Variants in CEP63 observed in about 807,000 individuals in gnomAD.
The protein encoded by CEP63 is centrosomal protein of 63 kDa.
Under a neutral mutation model 89.1 loss-of-function variants are expected in CEP63, and 84 were observed. That is an observed-to-expected ratio of 0.94 (90% confidence interval 0.79 to 1.13). The LOEUF is 1.13. Ranked by LOEUF, CEP63 falls within the 50% of genes most tolerant of loss-of-function variation. CEP63 has a pLI of 0.00. For missense variants in CEP63, 838 were observed against 813.3 expected, an observed-to-expected ratio of 1.03 and a Z score of -0.37; for synonymous variants, 267 against 272.5, an observed-to-expected ratio of 0.98 and a Z score of 0.20.
At chr3:134,664,670 T>TG in the CEP63 span, among the ~76,000 whole-genome samples, 87,705 of 130,942 alleles carry the variant, frequency 0.67, 26,575 homozygotes, top group East Asian at 0.79. Context: ...TTAAGCAGTT[T>TG]TGTGTGTGTG....
In CEP63 at chr3:134,564,524, CTCAG is replaced by C; in HGVS notation, c.*2994_*2997del. The C allele has an allele frequency of 2.0e-6, 2 of 985,448 alleles. No homozygotes were observed. Among genetic ancestry groups the C allele is most frequent in the Non-Finnish European group, 2.4e-6 (2 of 829,952 alleles). 61.0% of individuals were successfully genotyped at this position (985,448 alleles called of 1,614,324 possible). A position where few individuals can be genotyped will look rare whatever the true frequency, so the allele number is the denominator to read the frequency against. ...TCAGGGGCTAAGTCCTGCCTACATC[CTCAG>C]TCAGCATGCTGCCTAACACATAACA... On this transcript the variant is annotated 3_prime_UTR_variant, in exon 15 of 15. Coordinates refer to ENST00000675561, the MANE Select transcript of CEP63 (RefSeq NM_001353108.3).
chr3:134,606,174 G>A, the CEP63 span, among the ~76,000 whole-genome samples: 3 of 152,234 alleles, frequency 2.0e-5, no homozygotes, highest in East Asian at 1.9e-4. Flanking sequence ...ACAACTGGCT[G>A]TGAGTCTTTT....
intron 4 of CEP63, 24 bp downstream of exon 4, chr3:134,531,964 G>A: frequency 1.3e-6 from 2 of 1,517,156 alleles, no homozygotes; most frequent in Non-Finnish European, 1.8e-6. Flanking sequence ...TTTGTTAAAT[G>A]TTGTGTGTGT....
rs1957635207 is a variant in CEP63 at position 134,564,548 on chromosome 3, A to G, written c.*3013A>G. 4 of 985,432 alleles carry G rather than the reference A, an allele frequency of 4.1e-6. No homozygotes were observed. The highest frequency in any genetic ancestry group is 4.8e-6 in the Non-Finnish European group (4 of 829,908). 61.0% of individuals were successfully genotyped at this position (985,432 alleles called of 1,614,324 possible). On this transcript the variant is annotated 3_prime_UTR_variant, in exon 15 of 15. Coordinates refer to ENST00000675561, the MANE Select transcript of CEP63 (RefSeq NM_001353108.3). ...CCTCAGTCAGCATGCTGCCTAACAC[A>G]TAACAGATCCTAAGCAAATATTGGG...
intron 11 of CEP63, among the ~76,000 whole-genome samples, chr3:134,573,070 G>A (rs562935891): frequency 1.3e-5 from 2 of 152,256 alleles, no homozygotes; most frequent in Non-Finnish European, 2.9e-5. Context: ...TTTGAGAAGT[G>A]TCTGTTCATC....
At chr3:134,545,066 T>C (rs1019108608) in intron 6 of CEP63, among the ~76,000 whole-genome samples, 2 of 152,152 alleles carry the variant, frequency 1.3e-5, no homozygotes, top group African/African-American at 4.8e-5. Flanking sequence ...CAATCTCGGC[T>C]CACTGCAACC....
chr3:134,705,845 T>G, the CEP63 span, among the ~76,000 whole-genome samples: 6 of 152,232 alleles, frequency 3.9e-5, no homozygotes, highest in Non-Finnish European at 4.4e-5. Flanking sequence ...TTTCTTCTTT[T>G]CTTCAATTAT....
the CEP63 span, among the ~76,000 whole-genome samples, chr3:134,685,826 C>G: frequency 6.6e-6 from 1 of 152,310 alleles, no homozygotes; most frequent in Non-Finnish European, 1.5e-5. Context: ...AACAGGAGCT[C>G]GTCAGATCCA....
At chr3:134,775,844 C>T in the CEP63 span, among the ~76,000 whole-genome samples, 13 of 152,118 alleles carry the variant, frequency 8.5e-5, no homozygotes, top group African/African-American at 3.1e-4. Flanking sequence ...TGGAATGGTG[C>T]CTCTTCTTTT....
chr3:134,549,462 A>G (rs1477556087), intron 10 of CEP63, among the ~76,000 whole-genome samples: 1 of 152,178 alleles, frequency 6.6e-6, no homozygotes, highest in African/African-American at 2.4e-5. Context: ...TCTAAAAGAC[A>G]TACACTCTGT....
chr3:134,574,055 G>A (rs193040550), intron 11 of CEP63, among the ~76,000 whole-genome samples: 24 of 152,288 alleles, frequency 1.6e-4, no homozygotes, highest in South Asian at 4.1e-4. Flanking sequence ...ATGCAGCCTC[G>A]TGGGCTGGCT....
chr3:134,714,998 GC>G, the CEP63 span, among the ~76,000 whole-genome samples: 1 of 152,330 alleles, frequency 6.6e-6, no homozygotes, highest in South Asian at 2.1e-4. Flanking sequence ...AGGGAGGCAG[GC>G]CATCCAGGGA....
the CEP63 span, among the ~76,000 whole-genome samples, chr3:134,663,481 A>G: frequency 6.6e-6 from 1 of 152,064 alleles, no homozygotes. Flanking sequence ...TGTCAGTGTT[A>G]ATTAGATATT....
chr3:134,656,454 C>T, the CEP63 span, among the ~76,000 whole-genome samples: 79 of 152,244 alleles, frequency 5.2e-4, 1 homozygote, highest in African/African-American at 1.8e-3. Context: ...ATCTGAGTGG[C>T]GATGCTGATC....
downstream of CEP63, among the ~76,000 whole-genome samples, chr3:134,577,807 G>A (rs932713467): frequency 1.3e-5 from 2 of 151,940 alleles, no homozygotes; most frequent in Non-Finnish European, 2.9e-5. Flanking sequence ...AGTGTGTGTT[G>A]TTCCCCTCCC....
the CEP63 span, among the ~76,000 whole-genome samples, chr3:134,741,929 A>C: frequency 3.3e-5 from 5 of 151,684 alleles, no homozygotes; most frequent in Non-Finnish European, 7.4e-5. Flanking sequence ...CTAGCCAGAA[A>C]CTCCAAAGGG....
At chr3:134,570,661 G>T (rs1339332652) in intron 11 of CEP63, among the ~76,000 whole-genome samples, 1 of 152,180 alleles carries the variant, frequency 6.6e-6, no homozygotes, top group Non-Finnish European at 1.5e-5. Context: ...CCTCCAAGCT[G>T]TTCCAACCTC....
chr3:134,494,680 C>G (rs896467425), intron 1 of CEP63, among the ~76,000 whole-genome samples: 2 of 152,134 alleles, frequency 1.3e-5, no homozygotes, highest in Non-Finnish European at 2.9e-5. Context: ...GTAAAAAACT[C>G]ACTTCCAGTG....
chr3:134,507,240 A>T lies in CEP63; in HGVS notation c.176A>T (p.Gln59Leu). The change falls in exon 3 of 15, where the codon CAG (glutamine) becomes CTG (leucine). Residue 59 changes from glutamine (Q) to leucine (L), a missense_variant. Physicochemically the swap from Gln to Leu is moderately radical, Grantham distance 113. Transcript: ENST00000675561. ...GAAACTTGCTTGAAAATCCGTGAAC[A>T]GGAACTTAAGAGTCTTAGGAGTCAG... Reference protein sequence around the residue: ...ALETCLKIREQELKSLRSQLD... With the variant: ...ALETCLKIRELELKSLRSQLD... The T allele has an allele frequency of 6.2e-7, 1 of 1,613,908 alleles. No individual in the cohort carries two copies. Among genetic ancestry groups the T allele is most frequent in the Non-Finnish European group, 8.5e-7 (1 of 1,179,886 alleles).
Sources: gnomAD v4.1 joint callset for allele counts (sites outside exome capture counted in the v4.1 genomes callset) on GRCh38, gnomAD v4.1.1 for gene constraint, MANE v1.5 for transcripts, NCBI Gene and HGNC (gene_info 2026-07-23, HGNC 2026-07-21) for gene names.